The following PHYKPL variants were observed in gnomAD, a reference collection of about 807,000 sequenced individuals.
PHYKPL encodes the protein 5-phosphonooxy-L-lysine phospho-lyase.
PHYKPL carries 42 observed loss-of-function variants against 51.3 expected under a neutral mutation model. The observed-to-expected ratio is 0.82, with a 90% CI of 0.64 to 1.06. The LOEUF is 1.06. PHYKPL is among the 50% of genes least tolerant of loss of function. The pLI, the probability that PHYKPL is intolerant of heterozygous loss-of-function variation, is 0.00. For synonymous variants in PHYKPL, 264 were observed against 236.0 expected, an observed-to-expected ratio of 1.12 and a Z score of -1.09; for missense variants, 655 against 586.6, an observed-to-expected ratio of 1.12 and a Z score of -1.20.
At chr5:178,211,569 T>G in intron 12 of PHYKPL, 5 of 260,276 alleles carry the variant, frequency 1.9e-5, no homozygotes, top group South Asian at 6.5e-5. Flanking sequence ...TGGCAGGGGA[T>G]GTTTATTGGC....
rs1437540543 is a variant in PHYKPL at position 178,212,955 on chromosome 5, C to T, written c.1303+18G>A. 1.9e-6 allele frequency: 3 copies of T among 1,613,330 alleles called. No individual in the cohort carries two copies. In the African/African-American group the frequency reaches 4.0e-5, roughly 22 times the overall value. ...GCTGAGTTCTAGAGATATGGCCAAG[C>T]TCAGGCTTCAAGCTCACCAGTCAGA... On this transcript the variant is annotated intron_variant, in intron 11 of 12. Coordinates refer to ENST00000308158, the MANE Select transcript of PHYKPL (RefSeq NM_153373.4).
chr5:178,213,488 T>C (rs1759089217), intron 10 of PHYKPL, among the ~76,000 whole-genome samples: 1 of 151,610 alleles, frequency 6.6e-6, no homozygotes, highest in South Asian at 2.1e-4. Flanking sequence ...ACATTGCAGT[T>C]GGTGTAATGA....
At chr5:178,229,217 T>G (rs1447846393) in intron 3 of PHYKPL, among the ~76,000 whole-genome samples, 4 of 151,646 alleles carry the variant, frequency 2.6e-5, no homozygotes, top group Non-Finnish European at 5.9e-5. Context: ...GCGATTCTCC[T>G]GCCCCAGCCT....
intron 1 of PHYKPL, chr5:178,231,919 A>G (rs1265274435): frequency 9.3e-6 from 12 of 1,286,324 alleles, no homozygotes; most frequent in Non-Finnish European, 1.1e-5. Flanking sequence ...TCTCAGCCCT[A>G]AACAGCTCCT....
intron 6 of PHYKPL, chr5:178,223,729 T>C: frequency 2.9e-6 from 1 of 339,556 alleles, no homozygotes; most frequent in Non-Finnish European, 5.8e-6. Context: ...CTGTCACTCC[T>C]TCAGTGAAGC....
intron 4 of PHYKPL, 96 bp from the exon 5 acceptor site, chr5:178,224,825 G>A (rs899483151): frequency 2.9e-5 from 28 of 952,358 alleles, no homozygotes. Flanking sequence ...GACACACAAG[G>A]GAGGCCAACT....
intron 8 of PHYKPL, chr5:178,217,031 C>T (rs1708115666): frequency 1.3e-5 from 2 of 152,050 alleles, no homozygotes; most frequent in Admixed American, 6.6e-5. Flanking sequence ...AACAAGCAAA[C>T]AGAAACAACC....
At chr5:178,209,260 T>C in intron 12 of PHYKPL, 1 of 1,164,162 alleles carries the variant, frequency 8.6e-7, no homozygotes, top group East Asian at 2.4e-5. Flanking sequence ...TTTGTCGCAG[T>C]GAAGGTGTTT....
intron 9 of PHYKPL, 99 bp from the exon 10 acceptor site, chr5:178,214,984 G>T: frequency 9.4e-7 from 1 of 1,068,304 alleles, no homozygotes; most frequent in Non-Finnish European, 1.4e-6. Flanking sequence ...TGAGGGGGCT[G>T]AGTGCAGGAG....
chr5:178,224,772 C>G (rs1761963596), intron 4 of PHYKPL, 43 bp from the exon 5 acceptor site: 1 of 1,513,348 alleles, frequency 6.6e-7, no homozygotes, highest in South Asian at 1.2e-5. Context: ...CGGGCAGCAC[C>G]TACTCCCTGG....
intron 8 of PHYKPL, among the ~76,000 whole-genome samples, chr5:178,219,361 C>T (rs1425623377): frequency 6.6e-6 from 1 of 150,524 alleles, no homozygotes; most frequent in Non-Finnish European, 1.5e-5. Context: ...CACACACATA[C>T]AAACAGACAC....
At chr5:178,232,344 G>GCGGGGC in intron 1 of PHYKPL, 148 bp downstream of exon 1, 1 of 1,275,870 alleles carries the variant, frequency 7.8e-7, no homozygotes, top group Non-Finnish European at 9.9e-7. Flanking sequence ...AGAAGCTCCA[G>GCGGGGC]CGGGGCCGGG....
At chr5:178,222,068 C>T (rs989949611) in intron 8 of PHYKPL, among the ~76,000 whole-genome samples, 4 of 152,176 alleles carry the variant, frequency 2.6e-5, no homozygotes, top group African/African-American at 7.2e-5. Flanking sequence ...TGACACAGGG[C>T]GTGGCACAGA....
chr5:178,213,442 G>C (rs1475387711), intron 10 of PHYKPL, among the ~76,000 whole-genome samples: 1 of 152,166 alleles, frequency 6.6e-6, no homozygotes, highest in Non-Finnish European at 1.5e-5. Flanking sequence ...TGTGGTTTAC[G>C]TGATGTATAT....
chr5:178,229,223 A>G (rs1339097237), intron 3 of PHYKPL, among the ~76,000 whole-genome samples: 2 of 149,778 alleles, frequency 1.3e-5, no homozygotes, highest in African/African-American at 4.9e-5. Context: ...CTCCTGCCCC[A>G]GCCTCCTGAG....
At chr5:178,212,923 G>C in intron 11 of PHYKPL, 50 bp downstream of exon 11, 4 of 1,603,790 alleles carry the variant, frequency 2.5e-6, no homozygotes, top group Non-Finnish European at 3.4e-6. Flanking sequence ...CTAGTTGCTG[G>C]CTTCAGGCTG....
At chr5:178,210,487 T>C (rs1561672817) in intron 12 of PHYKPL, 1 of 1,534,932 alleles carries the variant, frequency 6.5e-7, no homozygotes, top group Non-Finnish European at 9.0e-7. Flanking sequence ...GGAAGATGCA[T>C]ATCAAGCGCG....
chr5:178,227,499 A>G (rs1762525272), intron 3 of PHYKPL, among the ~76,000 whole-genome samples: 1 of 152,188 alleles, frequency 6.6e-6, no homozygotes, highest in South Asian at 2.1e-4. Context: ...AGAGGTTTCC[A>G]GGCAGATGGA....
rs532544664 is a variant in PHYKPL, at chr5:178,208,633, T to G, written c.*314A>C. On this transcript the variant is annotated 3_prime_UTR_variant, in exon 13 of 13. Coordinates refer to ENST00000308158, the MANE Select transcript of PHYKPL (RefSeq NM_153373.4). ...TGGGTGTGCATGTCAGGATTTTCTT[T>G]AGAAATACACTGGTCTGGTCTAATT... 4.6e-5 allele frequency: 7 copies of G among 152,378 alleles called. No individual in the cohort carries two copies. Among genetic ancestry groups the G allele is most frequent in the Admixed American group, 3.9e-4 (6 of 15,306 alleles). The allele number at this position is 152,378 out of a possible 1,614,324, so 9.4% of individuals were successfully genotyped here.
Sources: gnomAD v4.1 joint callset for allele counts (sites outside exome capture counted in the v4.1 genomes callset) on GRCh38, gnomAD v4.1.1 for gene constraint, MANE v1.5 for transcripts, NCBI Gene and HGNC (gene_info 2026-07-23, HGNC 2026-07-21) for gene names.